The following PAPOLG variants were observed in gnomAD, a reference collection of about 807,000 sequenced individuals.
PAPOLG encodes PAP-gamma.
In PAPOLG, 40 loss-of-function variants were observed where a neutral mutation model predicts 99.0. That is an observed-to-expected ratio of 0.40 (90% confidence interval 0.31 to 0.53). PAPOLG has a LOEUF of 0.53. Ranked by LOEUF, PAPOLG falls within the 20% of genes least tolerant of loss-of-function variation. The pLI, the probability that PAPOLG is intolerant of heterozygous loss-of-function variation, is 0.41. For missense variants in PAPOLG, 675 were observed against 884.1 expected (o/e 0.76, Z 3.00); for synonymous variants, 310 against 299.3 (o/e 1.04, Z -0.37).
chr2:60,782,573 A>G (rs1176483474), intron 11 of PAPOLG, 113 bp from the exon 12 acceptor site: 3 of 1,348,946 alleles, frequency 2.2e-6, no homozygotes, highest in Non-Finnish European at 2.9e-6. Flanking sequence ...AGAAAAAAAA[A>G]AATTTCGTCT....
intron 5 of PAPOLG, 138 bp downstream of exon 5, chr2:60,769,028 G>A: frequency 1.5e-6 from 1 of 674,690 alleles, no homozygotes; most frequent in South Asian, 2.4e-5. Context: ...AATAAGTGAT[G>A]ATTAAATCAT....
intron 13 of PAPOLG, among the ~76,000 whole-genome samples, chr2:60,784,485 C>G (rs746065776): frequency 1.2e-4 from 18 of 152,266 alleles, no homozygotes; most frequent in Admixed American, 3.3e-4. Flanking sequence ...ATCCTTGGCT[C>G]TATCAGACGG....
At chr2:60,763,827 A>G (rs1297725684) in intron 3 of PAPOLG, among the ~76,000 whole-genome samples, 1 of 151,692 alleles carries the variant, frequency 6.6e-6, no homozygotes, top group African/African-American at 2.4e-5. Flanking sequence ...TGTTTGAGAC[A>G]TGGTCTCTCT....
chr2:60,776,352 A>G (rs1671018201), intron 8 of PAPOLG, among the ~76,000 whole-genome samples: 1 of 151,396 alleles, frequency 6.6e-6, no homozygotes, highest in Non-Finnish European at 1.5e-5. Flanking sequence ...TACAGCACAG[A>G]CAGTAGAGTG....
chr2:60,779,411 A>T (rs753881960), intron 8 of PAPOLG: 12 of 457,352 alleles, frequency 2.6e-5, no homozygotes, highest in Non-Finnish European at 4.6e-5. Context: ...GGAGGGTAAG[A>T]TTAGCAATTT....
Position 60,771,619 on chromosome 2 carries a change from G to A in PAPOLG, c.593G>A (p.Arg198His). Residue 198 changes from arginine to histidine, a missense_variant, in exon 7 of 22, where the codon CGC becomes CAC. Arg to His is a conservative substitution (Grantham distance 29). Coordinates refer to ENST00000238714, the MANE Select transcript of PAPOLG (RefSeq NM_022894.4). ...AGAAGCCTTGATATAAGGTGTATTCGCAGCTTAAATGGTAAGCTTCTAAAA... is the reference window on the plus strand; with the variant it reads ...AGAAGCCTTGATATAAGGTGTATTCACAGCTTAAATGGTAAGCTTCTAAAA... ...RLRSLDIRCI[R>H]SLNGCRVTDE... 1 of 1,597,914 alleles carries A rather than the reference G, an allele frequency of 6.3e-7. No homozygotes were observed. The highest frequency in any genetic ancestry group is 8.5e-7 in the Non-Finnish European group (1 of 1,176,234).
In PAPOLG at chr2:60,770,482, G is replaced by C; in HGVS notation, c.463G>C (p.Val155Leu). 6.3e-7 allele frequency: 1 copy of C among 1,596,822 alleles called. No individual in the cohort carries two copies. The highest frequency in any genetic ancestry group is 8.5e-7 in the Non-Finnish European group (1 of 1,169,972). ...LRAVEDAFVP[V>L]IKFEFDGIEI... ...GGCTGTAGAAGATGCCTTTGTACCTGTTATAAAATTTGAATTTGATGGTAT... is the reference window on the plus strand; with the variant it reads ...GGCTGTAGAAGATGCCTTTGTACCTCTTATAAAATTTGAATTTGATGGTAT... The change falls in exon 6 of 22, where the codon GTT becomes CTT. Residue 155 changes from valine (V) to leucine (L), a missense_variant. This residue lies in a region of PAPOLG where 149 missense variants were observed against 192.1 expected (regional missense o/e 0.78). Coordinates refer to ENST00000238714, the MANE Select transcript of PAPOLG (RefSeq NM_022894.4).
At chr2:60,782,548 C>G in intron 11 of PAPOLG, 138 bp from the exon 12 acceptor site, 1 of 1,298,532 alleles carries the variant, frequency 7.7e-7, no homozygotes. Context: ...CAGAGTGAGA[C>G]TCTGTCTCAA....
chr2:60,768,000 C>G lies in PAPOLG; in HGVS notation c.247-470C>G, dbSNP rs141325080. On this transcript the variant is annotated intron_variant, in intron 3 of 21. Coordinates refer to ENST00000238714, the MANE Select transcript of PAPOLG (RefSeq NM_022894.4). ...ATACCCTTATTACTTCAGATCACAACCAGAGGATCTGTGAAGCACTTTTAC... is the reference window on the plus strand; with the variant it reads ...ATACCCTTATTACTTCAGATCACAAGCAGAGGATCTGTGAAGCACTTTTAC... Among the ~76,000 whole-genome samples the G allele has an allele frequency of 4.1e-3, 630 of 152,326 alleles. 8 individuals are homozygous for G. Among genetic ancestry groups the G allele is most frequent in the African/African-American group, 0.015 (615 of 41,570 alleles).
chr2:60,779,833 G>T, intron 9 of PAPOLG, 58 bp downstream of exon 9: 1 of 1,455,000 alleles, frequency 6.9e-7, no homozygotes, highest in Non-Finnish European at 9.4e-7. Flanking sequence ...GCGTAAGTTT[G>T]TTTGGAAATT....
At chr2:60,785,139 GTTTT>G (rs1671318989) in intron 13 of PAPOLG, among the ~76,000 whole-genome samples, 1 of 151,390 alleles carries the variant, frequency 6.6e-6, no homozygotes, top group Admixed American at 6.6e-5. Context: ...TTCTTTTTTT[GTTTT>G]TTGTTTTTTT....
rs1671817306 is a variant in PAPOLG at position 60,800,504 on chromosome 2, C to CTA, written c.*3346_*3347dup. 3 of 152,442 alleles carry CTA rather than the reference C, an allele frequency of 2.0e-5. No individual in the cohort carries two copies. In the East Asian group the frequency reaches 5.6e-4, roughly 29 times the overall value. The allele number at this position is 152,442 out of a possible 1,614,324, so 9.4% of individuals were successfully genotyped here. A position where few individuals can be genotyped will look rare whatever the true frequency, so the allele number is the denominator to read the frequency against. ...AGCCAGGAGAATGAATTTTAAAAAT[C>CTA]TATGTTAGTGTTTAAAATGAGTGCT... On this transcript the variant is annotated 3_prime_UTR_variant, in exon 22 of 22. Coordinates refer to ENST00000238714, the MANE Select transcript of PAPOLG (RefSeq NM_022894.4).
At chr2:60,770,635 T>A (rs10187671) in intron 6 of PAPOLG, 124 bp downstream of exon 6, 236,536 of 537,698 alleles carry the variant, frequency 0.44, 52,978 homozygotes, top group Middle Eastern at 0.53. Context: ...TTTTTTTTTT[T>A]AATGAAGAGA....
intron 15 of PAPOLG, among the ~76,000 whole-genome samples, chr2:60,790,377 C>T (rs1558715085): frequency 2.0e-5 from 3 of 152,202 alleles, no homozygotes; most frequent in Admixed American, 1.3e-4. Flanking sequence ...TTTACTACAT[C>T]TCACAGTACT....
intron 15 of PAPOLG, among the ~76,000 whole-genome samples, chr2:60,788,361 A>C (rs1671430484): frequency 6.6e-6 from 1 of 152,046 alleles, no homozygotes; most frequent in South Asian, 2.1e-4. Context: ...TCACTCTGTC[A>C]CCCAGGCCGG....
chr2:60,766,615 T>G (rs1670682769), intron 3 of PAPOLG, among the ~76,000 whole-genome samples: 1 of 150,686 alleles, frequency 6.6e-6, no homozygotes, highest in South Asian at 2.1e-4. Flanking sequence ...TGTGGTGAGC[T>G]AAGATCACAC....
rs1045767884 is a variant in PAPOLG, at chr2:60,787,503, C to T, written c.1287-8C>T. The stretch of plus-strand genomic sequence containing the variant: ...AATTAATGGAAATTCTTAAATTTTA[C>T]TTTATAGCAACAATTACGTATCAAT... On this transcript the variant is annotated splice_polypyrimidine_tract_variant and splice_region_variant and intron_variant, in intron 14 of 21. Coordinates refer to ENST00000238714, the MANE Select transcript of PAPOLG (RefSeq NM_022894.4). The T allele has an allele frequency of 1.7e-5, 27 of 1,601,856 alleles. No homozygotes were observed. The highest frequency in any genetic ancestry group is 2.2e-5 in the Non-Finnish European group (26 of 1,176,314).
At chr2:60,781,585 G>C (rs562674372) in intron 10 of PAPOLG, among the ~76,000 whole-genome samples, 3 of 152,110 alleles carry the variant, frequency 2.0e-5, no homozygotes, top group Admixed American at 6.6e-5. Flanking sequence ...ACCAGATAAT[G>C]CTTTTTGTAG....
intron 3 of PAPOLG, among the ~76,000 whole-genome samples, chr2:60,767,366 A>G (rs1670711668): frequency 6.7e-6 from 1 of 148,506 alleles, no homozygotes; most frequent in Non-Finnish European, 1.5e-5. Flanking sequence ...TTTTTGAGGC[A>G]AGGTCTCACT....
Sources: gnomAD v4.1 joint callset for allele counts (sites outside exome capture counted in the v4.1 genomes callset) on GRCh38, gnomAD v4.1.1 for gene constraint, gnomAD v4.1.1 regional missense constraint, MANE v1.5 for transcripts, NCBI Gene and HGNC (gene_info 2026-07-23, HGNC 2026-07-21) for gene names.